Variants in STARD7 observed in about 807,000 individuals in gnomAD.
STARD7 encodes stAR-related lipid transfer protein 7, mitochondrial.
Under a neutral mutation model 45.3 loss-of-function variants are expected in STARD7, and 30 were observed. The ratio of observed to expected loss-of-function variants is 0.66; its 90% CI spans 0.50 to 0.90. The LOEUF (loss-of-function observed/expected upper bound fraction) is 0.90, where lower values mean the gene tolerates loss of function less well. STARD7 is among the 40% of genes least tolerant of loss of function. The pLI is 0.00. For missense variants in STARD7, 495 were observed against 491.3 expected (o/e 1.01, Z -0.07); for synonymous variants, 199 against 183.0 (o/e 1.09, Z -0.70).
chr2:96,201,239 A>G (rs1683298911), intron 1 of STARD7, among the ~76,000 whole-genome samples: 2 of 152,114 alleles, frequency 1.3e-5, no homozygotes, highest in Admixed American at 1.3e-4. Context: ...TCAAGAAATA[A>G]TAAAATGAAA....
chr2:96,199,175 A>G (rs1683269455), intron 1 of STARD7, among the ~76,000 whole-genome samples: 1 of 152,180 alleles, frequency 6.6e-6, no homozygotes, highest in Non-Finnish European at 1.5e-5. Flanking sequence ...TTTCATTTCC[A>G]TATGACTATC....
chr2:96,189,790 T>A (rs1176541752), intron 6 of STARD7, among the ~76,000 whole-genome samples: 1 of 152,134 alleles, frequency 6.6e-6, no homozygotes, highest in Non-Finnish European at 1.5e-5. Flanking sequence ...ATTCTTCGTA[T>A]TATTGGTGAT....
chr2:96,204,749 C>CAAAAAAAAAAAAAAAAAAAAAAAAAAAA (rs397959036), intron 1 of STARD7, among the ~76,000 whole-genome samples: 2 of 96,158 alleles, frequency 2.1e-5, no homozygotes, highest in Admixed American at 1.1e-4. Context: ...TGACAATGGC[C>CAAAAAAAAAAAAAAAAAAAAAAAAAAAA]AAAAAAAAAA....
In STARD7 at chr2:96,189,976, T is replaced by G. The variant is rs565270711; in HGVS notation, c.843+2393A>C. Among the ~76,000 whole-genome samples the G allele has an allele frequency of 2.0e-5, 3 of 152,274 alleles. No homozygotes were observed. The South Asian group carries it at 6.2e-4, about 32-fold the overall frequency. On this transcript the variant is annotated intron_variant, in intron 6 of 7. Coordinates refer to ENST00000337288, the MANE Select transcript of STARD7 (RefSeq NM_020151.4). ...TAGTATATACTTAGGATTTATTTTATCTTAAAAATAAACATACCAGTAAAA... is the reference window on the plus strand; with the variant it reads ...TAGTATATACTTAGGATTTATTTTAGCTTAAAAATAAACATACCAGTAAAA...
In STARD7 at chr2:96,208,257, G is replaced by T. The variant is rs1683432873; in HGVS notation, c.178C>A (p.Arg60Ser). ...SESSRRVLLG[R>S]LWRRLHGRPG... Reference sequence around the variant, plus strand: ...CGGCCGTGCAGCCGGCGCCAGAGGCGGCCGAGGAGAACGCGGCGTGAGCTC... The same window carrying T: ...CGGCCGTGCAGCCGGCGCCAGAGGCTGCCGAGGAGAACGCGGCGTGAGCTC... The change falls in exon 1 of 8, where the codon CGC (arginine) becomes AGC (serine). Residue 60 changes from arginine (R) to serine (S), a missense_variant. Physicochemically the swap from Arg to Ser is moderately radical, Grantham distance 110 (BLOSUM62 -1). Around this residue, in one of 2 missense-constraint regions of STARD7, gnomAD observed 282 missense variants for 220.1 expected, o/e 1.28. Coordinates refer to ENST00000337288, the MANE Select transcript of STARD7 (RefSeq NM_020151.4). The T allele has an allele frequency of 6.2e-7, 1 of 1,612,078 alleles. No homozygotes were observed. Among genetic ancestry groups the T allele is most frequent in the African/African-American group, 1.3e-5 (1 of 75,014 alleles).
At chr2:96,205,371 GCACA>G (rs1683372324) in intron 1 of STARD7, among the ~76,000 whole-genome samples, 1 of 152,136 alleles carries the variant, frequency 6.6e-6, no homozygotes, top group Non-Finnish European at 1.5e-5. Flanking sequence ...CCACTTTAAG[GCACA>G]CATTCAAAAA....
At position 96,200,092 on chromosome 2, in the gene STARD7, G is replaced by GT. The variant is rs375060639; in HGVS notation, c.291-4544dup. Among the ~76,000 whole-genome samples the GT allele has an allele frequency of 4.1e-3, 618 of 151,508 alleles. 6 individuals carry two copies. The highest frequency in any genetic ancestry group is 0.014 in the African/African-American group (572 of 41,328). On this transcript the variant is annotated intron_variant, in intron 1 of 7. Coordinates refer to ENST00000337288, the MANE Select transcript of STARD7 (RefSeq NM_020151.4). The stretch of plus-strand genomic sequence containing the variant: ...GTTCAGGACTGCGAAAAGTTGTGTG[G>GT]TTTTTTTTTGTTTGTTCTGAGCCCA...
intron 1 of STARD7, among the ~76,000 whole-genome samples, chr2:96,203,931 A>T (rs1270816780): frequency 6.6e-6 from 1 of 151,476 alleles, no homozygotes; most frequent in Admixed American, 6.6e-5. Context: ...ACACCGCTGC[A>T]CTCCAGCCTA....
chr2:96,197,105 A>AAACTAAACTAAACTAAACTAAGC (rs1558735872), intron 1 of STARD7, among the ~76,000 whole-genome samples: 1 of 141,490 alleles, frequency 7.1e-6, no homozygotes, highest in Non-Finnish European at 1.6e-5. Flanking sequence ...ATAAAATAAA[A>AAACTAAACTAAACTAAACTAAGC]TAAAATAAAA....
In STARD7 at chr2:96,208,586, A is replaced by C. The variant is rs1683449229; in HGVS notation, c.-152T>G. 1.6e-6 allele frequency: 1 copy of C among 607,700 alleles called. No individual in the cohort carries two copies. The allele number at this position is 607,700 out of a possible 1,614,324, so 37.6% of individuals were successfully genotyped here. On this transcript the variant is annotated 5_prime_UTR_variant, in exon 1 of 8. Coordinates refer to ENST00000337288, the MANE Select transcript of STARD7 (RefSeq NM_020151.4). ...GGAGCCGCCGCTCATCTGTCTCTGC[A>C]GCCACCGCTGAGGAAGAGTCTCCTC... is the stretch of plus-strand genomic sequence containing the variant.
chr2:96,197,359 C>T (rs1683237901), intron 1 of STARD7, among the ~76,000 whole-genome samples: 1 of 151,896 alleles, frequency 6.6e-6, no homozygotes, highest in African/African-American at 2.4e-5. Flanking sequence ...GAGCCAAGAT[C>T]GCACCATTGC....
chr2:96,203,963 A>AC (rs59477259), intron 1 of STARD7, among the ~76,000 whole-genome samples: 21,536 of 148,792 alleles, frequency 0.14, 1,766 homozygotes, highest in South Asian at 0.27. Context: ...AAGACTCCAT[A>AC]CCCCCCAAAA....
chr2:96,208,820 A>C lies in STARD7; in HGVS notation c.-386T>G. The C allele has an allele frequency of 2.5e-6, 1 of 402,006 alleles. No individual in the cohort carries two copies. The highest frequency in any genetic ancestry group is 1.2e-4 in the South Asian group (1 of 8,390). 24.9% of individuals were successfully genotyped at this position (402,006 alleles called of 1,614,324 possible). On this transcript the variant is annotated 5_prime_UTR_variant, in exon 1 of 8. Transcript: ENST00000337288. ...CACGCAAGCTCCCGCGCCTTCCGCGACTGCCACACGCGCGGCGCGCGCGCA... is the reference window on the plus strand; with the variant it reads ...CACGCAAGCTCCCGCGCCTTCCGCGCCTGCCACACGCGCGGCGCGCGCGCA...
intron 1 of STARD7, 61 bp from the exon 2 acceptor site, chr2:96,195,610 C>A: frequency 7.5e-7 from 1 of 1,328,744 alleles, no homozygotes; most frequent in East Asian, 2.3e-5. Context: ...ATGAAGTGTC[C>A]ACACAAAGGT....
At chr2:96,203,393 C>A (rs1683336137) in intron 1 of STARD7, among the ~76,000 whole-genome samples, 4 of 152,174 alleles carry the variant, frequency 2.6e-5, no homozygotes, top group Admixed American at 2.0e-4. Flanking sequence ...AAACGAAAAT[C>A]ATTTCAATAT....
chr2:96,204,651 G>A (rs1172525659), intron 1 of STARD7, among the ~76,000 whole-genome samples: 1 of 148,298 alleles, frequency 6.7e-6, no homozygotes, highest in African/African-American at 2.5e-5. Flanking sequence ...AAATAATGAA[G>A]ACAACCTCAA....
In STARD7 at chr2:96,186,946, C is replaced by T. The variant is rs202107045; in HGVS notation, c.929-32G>A. On this transcript the variant is annotated intron_variant, in intron 7 of 7. Coordinates refer to ENST00000337288, the MANE Select transcript of STARD7 (RefSeq NM_020151.4). ...GGAGACGAGAATCAGGTTAAGCTGA[C>T]ATACAAACCAACAGTAGGCTCAAAA... 12 of 1,583,948 alleles carry T rather than the reference C, an allele frequency of 7.6e-6. No individual in the cohort carries two copies. The African/African-American group carries it at 1.5e-4, about 20-fold the overall frequency.
chr2:96,200,410 T>C (rs1307987745), intron 1 of STARD7, among the ~76,000 whole-genome samples: 1 of 152,172 alleles, frequency 6.6e-6, no homozygotes, highest in East Asian at 1.9e-4. Flanking sequence ...CCACCATATA[T>C]TGTACTATGT....
intron 1 of STARD7, among the ~76,000 whole-genome samples, chr2:96,197,089 AAT>A (rs1683228735): frequency 7.2e-6 from 1 of 139,040 alleles, no homozygotes; most frequent in African/African-American, 2.5e-5. Context: ...AATAAAATAA[AAT>A]AAAATAAAAT....
Sources: allele counts gnomAD v4.1 joint callset (sites outside exome capture counted in the v4.1 genomes callset), GRCh38; gene constraint gnomAD v4.1.1; regional missense constraint gnomAD v4.1.1; transcripts MANE v1.5; gene names NCBI Gene and HGNC (gene_info 2026-07-23, HGNC 2026-07-21).